The following PDE1C variants were observed in gnomAD, a reference collection of about 807,000 sequenced individuals.
The protein encoded by PDE1C is dual specificity calcium/calmodulin-dependent 3',5'-cyclic nucleotide phosphodiesterase 1C.
Under a neutral mutation model 93.1 loss-of-function variants are expected in PDE1C, and 62 were observed. The ratio of observed to expected loss-of-function variants is 0.67; its 90% CI spans 0.54 to 0.82. PDE1C has a LOEUF of 0.82. Ranked by LOEUF, PDE1C falls within the 40% of genes least tolerant of loss-of-function variation. The pLI is 0.00. For synonymous variants in PDE1C, 325 were observed against 310.1 expected (o/e 1.05, Z -0.50); for missense variants, 742 against 884.6 (o/e 0.84, Z 2.04).
intron 1 of PDE1C, among the ~76,000 whole-genome samples, chr7:32,244,813 G>T (rs1223112082): frequency 6.6e-6 from 1 of 152,224 alleles, no homozygotes; most frequent in Non-Finnish European, 1.5e-5. Flanking sequence ...GGACATCACT[G>T]CCCTACATGT....
chr7:31,843,808 A>G (rs1792213841), intron 9 of PDE1C, among the ~76,000 whole-genome samples: 1 of 151,738 alleles, frequency 6.6e-6, no homozygotes, highest in East Asian at 1.9e-4. Flanking sequence ...TATTTTTTAA[A>G]TCAATTTTAA....
chr7:31,780,795 G>A (rs1356684281), intron 16 of PDE1C, among the ~76,000 whole-genome samples: 6 of 113,638 alleles, frequency 5.3e-5, no homozygotes, highest in African/African-American at 5.9e-5. Context: ...GTGTGTGCAC[G>A]TGTGCATTTG....
At chr7:32,224,328 G>A (rs991226714) in intron 1 of PDE1C, among the ~76,000 whole-genome samples, 4 of 151,782 alleles carry the variant, frequency 2.6e-5, no homozygotes, top group Non-Finnish European at 4.4e-5. Context: ...AGCTGAGATC[G>A]CACCACTGTG....
the PDE1C span, among the ~76,000 whole-genome samples, chr7:31,732,662 G>GTGTGTC: frequency 6.6e-6 from 1 of 151,272 alleles, no homozygotes; most frequent in African/African-American, 2.4e-5. Context: ...GTGTGTGTGT[G>GTGTGTC]TGTGTGTGTG....
intron 1 of PDE1C, among the ~76,000 whole-genome samples, chr7:32,258,492 T>C (rs1238383968): frequency 6.6e-6 from 1 of 151,964 alleles, no homozygotes; most frequent in East Asian, 1.9e-4. Context: ...CACGTGGGGG[T>C]GACTGATGTG....
chr7:31,976,126 T>A (rs1277595006), intron 2 of PDE1C, among the ~76,000 whole-genome samples: 1 of 152,102 alleles, frequency 6.6e-6, no homozygotes, highest in African/African-American at 2.4e-5. Flanking sequence ...AGAAGGAAAA[T>A]CAACATGTTA....
At chr7:31,859,254 C>A (rs1794394540) in intron 7 of PDE1C, among the ~76,000 whole-genome samples, 1 of 149,394 alleles carries the variant, frequency 6.7e-6, no homozygotes, top group Non-Finnish European at 1.5e-5. Flanking sequence ...GAGAGAGAGT[C>A]AGGATCACAG....
chr7:31,965,384 G>A lies in PDE1C; in HGVS notation c.129-84524C>T, dbSNP rs1336950573. Among the ~76,000 whole-genome samples the A allele has an allele frequency of 9.2e-5, 14 of 152,218 alleles. 1 individual carries two copies. Among genetic ancestry groups the A allele is most frequent in the Non-Finnish European group, 1.5e-5 (1 of 68,042 alleles). On this transcript the variant is annotated intron_variant, in intron 2 of 17. Coordinates refer to ENST00000396191, the MANE Select transcript of PDE1C (RefSeq NM_001191057.4). ...TGATGGAAGACGAAATGAATGAAATGTAGTGAGAAGAGAAGTTTAGAGAAA... is the reference window on the plus strand; with the variant it reads ...TGATGGAAGACGAAATGAATGAAATATAGTGAGAAGAGAAGTTTAGAGAAA...
chr7:31,816,173 G>A lies in PDE1C; in HGVS notation c.1583-19C>T. 3 of 1,607,646 alleles carry A rather than the reference G, an allele frequency of 1.9e-6. No individual in the cohort carries two copies. The highest frequency in any genetic ancestry group is 2.2e-5 in the South Asian group (2 of 90,312). On this transcript the variant is annotated intron_variant, in intron 14 of 17. Transcript: ENST00000396191. ...TTCTCCTCTGCATCCATGGCAAGTT[G>A]GGAAAGCCACAGAAAAGAGAAAAAG...
chr7:32,327,504 C>A (rs1783425193), intron 1 of PDE1C, among the ~76,000 whole-genome samples: 1 of 152,134 alleles, frequency 6.6e-6, no homozygotes, highest in South Asian at 2.1e-4. Flanking sequence ...TAAAAAGAAT[C>A]ACATATGTAA....
At chr7:31,811,859 G>T (rs1373887615) in intron 15 of PDE1C, among the ~76,000 whole-genome samples, 13 of 152,096 alleles carry the variant, frequency 8.5e-5, no homozygotes, top group Non-Finnish European at 1.9e-4. Context: ...GCCAGTGGGT[G>T]CCCAAACCTT....
At chr7:31,944,316 G>A (rs73308694) in intron 2 of PDE1C, among the ~76,000 whole-genome samples, 9 of 152,054 alleles carry the variant, frequency 5.9e-5, no homozygotes, top group South Asian at 4.1e-4. Flanking sequence ...TTGAACACCC[G>A]CAATCCTGAG....
the PDE1C span, among the ~76,000 whole-genome samples, chr7:31,645,781 C>T: frequency 6.6e-6 from 1 of 152,090 alleles, no homozygotes; most frequent in Non-Finnish European, 1.5e-5. Context: ...CTACTGGCAA[C>T]AAGTGGGTAG....
the PDE1C span, chr7:31,686,760 G>T: frequency 6.6e-6 from 1 of 152,234 alleles, no homozygotes; most frequent in East Asian, 1.9e-4. Flanking sequence ...CTGGCATTTT[G>T]GTAGCCTTAC....
intron 3 of PDE1C, among the ~76,000 whole-genome samples, chr7:32,086,791 T>G (rs961346548): frequency 8.5e-5 from 13 of 152,204 alleles, no homozygotes; most frequent in African/African-American, 1.4e-4. Flanking sequence ...CTGGGAAAAC[T>G]GGCTAGCCAT....
rs1791230735 is a variant in PDE1C at position 31,837,250 on chromosome 7, C to T, written c.1133G>A (p.Ser378Asn). Reference protein sequence around the residue: ...LSLMLHTADISHPAKAWDLHH... With the variant: ...LSLMLHTADINHPAKAWDLHH... ...GAGGTCCCATGCTTTTGCTGGATGG[C>T]TAATATCTGCTGTATGCAGCATAAG... Residue 378 changes from serine (S) to asparagine (N), a missense_variant, in exon 11 of 18, where the codon AGC (serine) becomes AAC (asparagine). Around this residue, in one of 4 missense-constraint regions of PDE1C, gnomAD observed 454 missense variants for 459.4 expected, o/e 0.99. Coordinates refer to ENST00000396191, the MANE Select transcript of PDE1C (RefSeq NM_001191057.4). The T allele has an allele frequency of 1.9e-6, 3 of 1,613,782 alleles. No homozygotes were observed. Among genetic ancestry groups the T allele is most frequent in the Non-Finnish European group, 2.5e-6 (3 of 1,179,790 alleles).
intron 1 of PDE1C, among the ~76,000 whole-genome samples, chr7:32,215,502 C>G (rs1806363150): frequency 6.6e-6 from 1 of 152,086 alleles, no homozygotes. Context: ...GTTTTCCCTC[C>G]CAAAAATTGG....
At chr7:31,962,481 C>A (rs1382089946) in intron 2 of PDE1C, among the ~76,000 whole-genome samples, 2 of 152,202 alleles carry the variant, frequency 1.3e-5, no homozygotes, top group Non-Finnish European at 1.5e-5. Context: ...TCTGCTTCAA[C>A]TGCTATCCCT....
intron 3 of PDE1C, among the ~76,000 whole-genome samples, chr7:32,133,076 A>T (rs1041364109): frequency 3.9e-5 from 6 of 152,158 alleles, no homozygotes; most frequent in African/African-American, 1.4e-4. Context: ...AGAAGTATTA[A>T]ATAAAAAAGT....
Sources: gnomAD v4.1 joint callset for allele counts (sites outside exome capture counted in the v4.1 genomes callset) on GRCh38, gnomAD v4.1.1 for gene constraint, gnomAD v4.1.1 regional missense constraint, MANE v1.5 for transcripts, NCBI Gene and HGNC (gene_info 2026-07-23, HGNC 2026-07-21) for gene names.